FAM53A: variants seen among roughly 807,000 people sequenced by gnomAD.
The protein encoded by FAM53A is family with sequence similarity 53 member A.
In FAM53A, 28 loss-of-function variants were observed where a neutral mutation model predicts 26.6. The ratio of observed to expected loss-of-function variants is 1.05; its 90% CI spans 0.78 to 1.45. The LOEUF is 1.45. FAM53A is among the 40% of genes most tolerant of loss of function. FAM53A has a pLI of 0.00. For missense variants in FAM53A, 650 were observed against 575.8 expected (o/e 1.13, Z -1.32); for synonymous variants, 290 against 253.1 (o/e 1.15, Z -1.38).
the FAM53A span, among the ~76,000 whole-genome samples, chr4:1,590,955 C>CATATATACATATACATATAT: frequency 6.5e-5 from 3 of 46,304 alleles, no homozygotes; most frequent in East Asian, 1.4e-3. Flanking sequence ...TTATTTAATG[C>CATATATACATATACATATAT]ATATATATAT....
chr4:1,650,293 G>T (rs1712652878), intron 4 of FAM53A, among the ~76,000 whole-genome samples: 1 of 147,832 alleles, frequency 6.8e-6, no homozygotes, highest in South Asian at 2.2e-4. Context: ...GGTGGCACAG[G>T]CGTGGTGTTT....
the FAM53A span, among the ~76,000 whole-genome samples, chr4:1,579,206 C>T: frequency 6.7e-6 from 1 of 150,146 alleles, no homozygotes; most frequent in South Asian, 2.1e-4. Context: ...TGGCGCGCCC[C>T]CGCCCCTAGC....
the FAM53A span, among the ~76,000 whole-genome samples, chr4:1,575,592 C>G: frequency 6.6e-6 from 1 of 152,004 alleles, no homozygotes; most frequent in African/African-American, 2.4e-5. Context: ...GCGCCTTGCC[C>G]GAAGCTGAGT....
At chr4:1,646,236 G>T (rs1712232031) in intron 4 of FAM53A, among the ~76,000 whole-genome samples, 1 of 152,138 alleles carries the variant, frequency 6.6e-6, no homozygotes, top group South Asian at 2.1e-4. Context: ...AAGTAGCTGG[G>T]AATACAGGCG....
intron 1 of FAM53A, 148 bp from the exon 2 acceptor site, chr4:1,669,053 G>T: frequency 3.1e-6 from 1 of 321,158 alleles, no homozygotes; most frequent in African/African-American, 2.2e-5. Flanking sequence ...TACCACGCGA[G>T]TTCTCTTCTG....
In FAM53A at chr4:1,640,542, G is replaced by A. The variant is rs539190802; in HGVS notation, c.*751C>T. ...AGAAGCTTTCTCCCGAACTGCAAAA[G>A]CCATAAAAATGCAAAATGCTTCTTT... On this transcript the variant is annotated 3_prime_UTR_variant, in exon 5 of 5. Transcript: ENST00000308132. 3.1e-6 allele frequency: 1 copy of A among 326,956 alleles called. No homozygotes were observed. The highest frequency in any genetic ancestry group is 1.3e-4 in the East Asian group (1 of 7,766). 20.3% of individuals were successfully genotyped at this position (326,956 alleles called of 1,614,324 possible).
the FAM53A span, among the ~76,000 whole-genome samples, chr4:1,603,016 C>G: frequency 6.6e-6 from 1 of 152,208 alleles, no homozygotes; most frequent in Non-Finnish European, 1.5e-5. Context: ...CCGGACACAG[C>G]TCGGGGGTGG....
intron 1 of FAM53A, among the ~76,000 whole-genome samples, chr4:1,619,823 C>G (rs1041753902): frequency 6.6e-6 from 1 of 152,258 alleles, no homozygotes; most frequent in Non-Finnish European, 1.5e-5. Flanking sequence ...TTCGCCCACA[C>G]TGGCACCTGG....
chr4:1,585,718 T>TA, the FAM53A span, among the ~76,000 whole-genome samples: 2 of 152,184 alleles, frequency 1.3e-5, no homozygotes, highest in Non-Finnish European at 2.9e-5. Flanking sequence ...ACATTGTCAA[T>TA]AACAGGATTT....
At chr4:1,656,871 C>T (rs895437339) in intron 3 of FAM53A, among the ~76,000 whole-genome samples, 2 of 152,138 alleles carry the variant, frequency 1.3e-5, no homozygotes, top group African/African-American at 4.8e-5. Flanking sequence ...CCCCTGGGAC[C>T]TTCGCTGGGG....
the FAM53A span, among the ~76,000 whole-genome samples, chr4:1,583,016 C>A: frequency 6.6e-6 from 1 of 152,166 alleles, no homozygotes; most frequent in East Asian, 1.9e-4. Flanking sequence ...CTGTCAAGAA[C>A]CTGGGTGATA....
intron 2 of FAM53A, 31 bp from the exon 3 acceptor site, chr4:1,657,499 A>T (rs1468395140): frequency 2.5e-6 from 4 of 1,600,244 alleles, no homozygotes; most frequent in Non-Finnish European, 3.4e-6. Flanking sequence ...CAATACTGTG[A>T]CTGACACGTG....
chr4:1,611,198 C>G, the FAM53A span, among the ~76,000 whole-genome samples: 1 of 152,214 alleles, frequency 6.6e-6, no homozygotes, highest in African/African-American at 2.4e-5. Context: ...TGCAGCGACA[C>G]TGTGTGTGGC....
At chr4:1,642,627 G>A (rs974829041) in intron 4 of FAM53A, among the ~76,000 whole-genome samples, 3 of 152,132 alleles carry the variant, frequency 2.0e-5, no homozygotes, top group Non-Finnish European at 2.9e-5. Flanking sequence ...CGAGTCCATG[G>A]CCACGACCAG....
At chr4:1,626,757 G>A (rs897466167) in intron 1 of FAM53A, among the ~76,000 whole-genome samples, 5 of 151,936 alleles carry the variant, frequency 3.3e-5, no homozygotes, top group African/African-American at 1.2e-4. Flanking sequence ...TAGACTCTCA[G>A]CTACAGCCAT....
downstream of FAM53A, among the ~76,000 whole-genome samples, chr4:1,635,377 A>G (rs914518432): frequency 1.3e-5 from 2 of 151,940 alleles, no homozygotes; most frequent in Admixed American, 1.3e-4. Context: ...GGACTCAAAC[A>G]ATCTTCCCAC....
chr4:1,585,614 A>G, the FAM53A span, among the ~76,000 whole-genome samples: 4 of 152,006 alleles, frequency 2.6e-5, no homozygotes, highest in Admixed American at 6.6e-5. Flanking sequence ...TCTCAGTTCA[A>G]CTTCTTTAGA....
rs746564934 is a variant in FAM53A, at chr4:1,641,246, G to C, written c.*47C>G. 60 of 1,602,160 alleles carry C rather than the reference G, an allele frequency of 3.7e-5. No homozygotes were observed. Among genetic ancestry groups the C allele is most frequent in the Non-Finnish European group, 4.9e-5 (58 of 1,172,824 alleles). ...CACAGGAAACCTACTCTGTGCCCCA[G>C]GGCAGGTGCAGGCGGCAGCCATGGC... On this transcript the variant is annotated 3_prime_UTR_variant, in exon 5 of 5. Transcript: ENST00000308132.
chr4:1,626,221 G>A (rs957700048), intron 1 of FAM53A, among the ~76,000 whole-genome samples: 7 of 152,222 alleles, frequency 4.6e-5, no homozygotes, highest in Non-Finnish European at 8.8e-5. Context: ...GGAGGAGGTA[G>A]GGGTCAGGCC....
Sources: allele counts gnomAD v4.1 joint callset (sites outside exome capture counted in the v4.1 genomes callset), GRCh38; gene constraint gnomAD v4.1.1; transcripts MANE v1.5; gene names NCBI Gene and HGNC (gene_info 2026-07-23, HGNC 2026-07-21).